GABRB1: variants seen among roughly 807,000 people sequenced by gnomAD.
The protein encoded by GABRB1 is gamma-aminobutyric acid receptor subunit beta-1.
In GABRB1, 17 loss-of-function variants were observed where a neutral mutation model predicts 51.6. That is an observed-to-expected ratio of 0.33 (90% CI 0.23 to 0.49). GABRB1 has a LOEUF of 0.49. Ranked by LOEUF, GABRB1 falls within the 20% of genes least tolerant of loss-of-function variation. The probability of loss-of-function intolerance (pLI) is 0.99; values close to 1 mark genes in which losing one functional copy is unlikely to be tolerated. For synonymous variants in GABRB1, 247 were observed against 218.9 expected, an observed-to-expected ratio of 1.13 and a Z score of -1.14; for missense variants, 410 against 600.6, an observed-to-expected ratio of 0.68 and a Z score of 3.32.
intron 3 of GABRB1, among the ~76,000 whole-genome samples, chr4:47,149,847 C>T (rs1360176842): frequency 6.6e-6 from 1 of 151,778 alleles, no homozygotes. Context: ...AGCCAAAAAT[C>T]CTTTTCTCAA....
intron 3 of GABRB1, among the ~76,000 whole-genome samples, chr4:47,082,143 A>G (rs1293076778): frequency 6.6e-6 from 1 of 151,998 alleles, no homozygotes; most frequent in Non-Finnish European, 1.5e-5. Context: ...CAACTCTATG[A>G]TTTCTGTAAG....
At position 47,368,142 on chromosome 4, in the gene GABRB1, G is replaced by A. The variant is rs140095116; in HGVS notation, c.545-35176G>A. ...AGACATGAAGCCCTTGTTTGAAGATGTCCAAAGGCATTTCCCATAATTGGA... is the reference window on the plus strand; with the variant it reads ...AGACATGAAGCCCTTGTTTGAAGATATCCAAAGGCATTTCCCATAATTGGA... On this transcript the variant is annotated intron_variant, in intron 5 of 8. Coordinates refer to ENST00000295454, the MANE Select transcript of GABRB1 (RefSeq NM_000812.4). 4.0e-3 allele frequency among the ~76,000 whole-genome samples: 609 copies of A among 152,232 alleles called. 5 individuals carry two copies. Among genetic ancestry groups the A allele is most frequent in the South Asian group, 0.017 (80 of 4,820 alleles).
chr4:47,399,070 G>A (rs1372968311), intron 5 of GABRB1, among the ~76,000 whole-genome samples: 1 of 152,220 alleles, frequency 6.6e-6, no homozygotes, highest in Non-Finnish European at 1.5e-5. Context: ...GATTACAGGC[G>A]TGAGCCACGG....
intron 4 of GABRB1, among the ~76,000 whole-genome samples, chr4:47,165,934 G>A (rs1433811156): frequency 6.6e-6 from 1 of 152,038 alleles, no homozygotes; most frequent in African/African-American, 2.4e-5. Flanking sequence ...TTGTCACTGA[G>A]ACTTAATCTG....
intron 4 of GABRB1, among the ~76,000 whole-genome samples, chr4:47,265,930 T>A (rs2109885930): frequency 6.6e-6 from 1 of 152,346 alleles, no homozygotes; most frequent in African/African-American, 2.4e-5. Flanking sequence ...TCTTTTGCTG[T>A]GCAGAAGCTT....
intron 4 of GABRB1, among the ~76,000 whole-genome samples, chr4:47,270,224 A>G (rs979863547): frequency 2.6e-5 from 4 of 152,130 alleles, no homozygotes; most frequent in Non-Finnish European, 4.4e-5. Context: ...TTAGGATGCC[A>G]TTTTCCAAAA....
At chr4:47,257,692 C>CA (rs1722269100) in intron 4 of GABRB1, among the ~76,000 whole-genome samples, 1 of 147,426 alleles carries the variant, frequency 6.8e-6, no homozygotes. Context: ...AGCTAAGAGT[C>CA]AGGAAAAAAA....
intron 4 of GABRB1, among the ~76,000 whole-genome samples, chr4:47,236,431 A>C (rs1281043401): frequency 1.3e-5 from 2 of 152,158 alleles, no homozygotes; most frequent in African/African-American, 2.4e-5. Flanking sequence ...CATGCTTCTT[A>C]TGTATCTCAG....
At chr4:47,391,209 C>G (rs1023976962) in intron 5 of GABRB1, among the ~76,000 whole-genome samples, 3 of 139,266 alleles carry the variant, frequency 2.2e-5, no homozygotes, top group African/African-American at 3.0e-5. Flanking sequence ...AAGGAGTAAG[C>G]CTTCTTTTTT....
chr4:47,121,035 G>A (rs891980989), intron 3 of GABRB1, among the ~76,000 whole-genome samples: 38 of 152,246 alleles, frequency 2.5e-4, no homozygotes, highest in African/African-American at 7.9e-4. Flanking sequence ...GACTTGCCTG[G>A]GAGTTGCAGT....
intron 4 of GABRB1, among the ~76,000 whole-genome samples, chr4:47,191,171 A>T (rs1220862696): frequency 6.6e-6 from 1 of 152,170 alleles, no homozygotes; most frequent in African/African-American, 2.4e-5. Context: ...AACCAATGTT[A>T]AGTTTTAACA....
At chr4:47,335,466 T>A (rs1451033486) in intron 5 of GABRB1, among the ~76,000 whole-genome samples, 1 of 152,110 alleles carries the variant, frequency 6.6e-6, no homozygotes, top group Non-Finnish European at 1.5e-5. Flanking sequence ...CTCCCTGTTG[T>A]CCATCTGATT....
At chr4:47,216,935 T>C (rs28587597) in intron 4 of GABRB1, among the ~76,000 whole-genome samples, 1 of 151,416 alleles carries the variant, frequency 6.6e-6, no homozygotes, top group African/African-American at 2.4e-5. Context: ...GTGAAGAAAA[T>C]TTGCAAATAA....
intron 5 of GABRB1, among the ~76,000 whole-genome samples, chr4:47,324,377 C>T (rs1725179840): frequency 6.6e-6 from 1 of 152,124 alleles, no homozygotes; most frequent in African/African-American, 2.4e-5. Flanking sequence ...GCTCTCAGAT[C>T]CTCAATCCTG....
intron 4 of GABRB1, 116 bp from the exon 5 acceptor site, chr4:47,320,011 A>T: frequency 1.4e-6 from 1 of 740,024 alleles, no homozygotes; most frequent in South Asian, 1.5e-5. Flanking sequence ...AAAATCTCAC[A>T]AAATTTTGAT....
At chr4:47,038,564 C>G (rs1725696963) in intron 3 of GABRB1, among the ~76,000 whole-genome samples, 1 of 152,056 alleles carries the variant, frequency 6.6e-6, no homozygotes, top group South Asian at 2.1e-4. Context: ...CTGAGTATCC[C>G]AAAGGATTTA....
intron 4 of GABRB1, among the ~76,000 whole-genome samples, chr4:47,309,187 T>C (rs1368981163): frequency 6.6e-6 from 1 of 152,130 alleles, no homozygotes; most frequent in African/African-American, 2.4e-5. Context: ...TGGTAAAATA[T>C]GACTCACCCT....
chr4:47,275,354 C>A (rs967756622), intron 4 of GABRB1, among the ~76,000 whole-genome samples: 1 of 152,050 alleles, frequency 6.6e-6, no homozygotes, highest in Non-Finnish European at 1.5e-5. Flanking sequence ...CTAGTAGAGG[C>A]TAAGACCATG....
intron 5 of GABRB1, among the ~76,000 whole-genome samples, chr4:47,341,871 C>T (rs1458925577): frequency 6.6e-6 from 1 of 152,200 alleles, no homozygotes; most frequent in East Asian, 1.9e-4. Context: ...TAAGTCACAT[C>T]TGCCCTAAAA....
Sources: gnomAD v4.1 joint callset for allele counts (sites outside exome capture counted in the v4.1 genomes callset) on GRCh38, gnomAD v4.1.1 for gene constraint, MANE v1.5 for transcripts, NCBI Gene and HGNC (gene_info 2026-07-23, HGNC 2026-07-21) for gene names.